Variants in CDK2 observed in about 807,000 individuals in gnomAD.
The protein encoded by CDK2 is cyclin dependent kinase 2, also known as cyclin-dependent kinase 2.
In CDK2, 8 loss-of-function variants were observed where a neutral mutation model predicts 35.0. That is an observed-to-expected ratio of 0.23 (90% CI 0.13 to 0.41). The LOEUF is 0.41. Ranked by LOEUF, CDK2 falls within the 10% of genes least tolerant of loss-of-function variation. CDK2 has a pLI of 1.00. For synonymous variants in CDK2, 134 were observed against 137.7 expected (o/e 0.97, Z 0.19); for missense variants, 201 against 367.1 (o/e 0.55, Z 3.70).
At chr12:55,967,454 C>G (rs1049559864) in intron 1 of CDK2, 29 of 417,932 alleles carry the variant, frequency 6.9e-5, no homozygotes, top group Middle Eastern at 6.4e-4. Context: ...ATGTGGGAAC[C>G]GGCGAGAATC....
intron 3 of CDK2, chr12:55,968,426 C>T (rs1031273346): frequency 3.4e-5 from 17 of 498,976 alleles, no homozygotes; most frequent in Non-Finnish European, 5.7e-5. Flanking sequence ...CTCAGATAAA[C>T]GGGATTTGAG....
chr12:55,969,045 C>G, intron 4 of CDK2, 97 bp downstream of exon 4: 1 of 925,682 alleles, frequency 1.1e-6, no homozygotes, highest in Non-Finnish European at 1.6e-6. Flanking sequence ...CAGTTTCTTA[C>G]TAGGTAGAAA....
At chr12:55,970,981 A>T in intron 5 of CDK2, 63 bp from the exon 6 acceptor site, 1 of 1,423,160 alleles carries the variant, frequency 7.0e-7, no homozygotes, top group Non-Finnish European at 9.9e-7. Flanking sequence ...ACTCCTTTGT[A>T]TAGAGGAGAG....
intron 5 of CDK2, among the ~76,000 whole-genome samples, chr12:55,970,367 C>G (rs1316284816): frequency 6.7e-6 from 1 of 150,242 alleles, no homozygotes; most frequent in African/African-American, 2.4e-5. Flanking sequence ...ACTGAAGGAT[C>G]CTTGAAGCCT....
intron 3 of CDK2, 122 bp from the exon 4 acceptor site, chr12:55,968,656 C>A: frequency 2.7e-6 from 2 of 727,518 alleles, no homozygotes; most frequent in Non-Finnish European, 2.2e-6. Flanking sequence ...GGAGAAATAG[C>A]TTGTAAATAT....
chr12:55,967,592 T>TC (rs1283722893), intron 1 of CDK2: 1 of 510,190 alleles, frequency 2.0e-6, no homozygotes. Flanking sequence ...CTGCATTTTT[T>TC]CCCCTCCATT....
chr12:55,970,288 C>CAAAAA lies in CDK2; in HGVS notation c.589-731_589-727dup, dbSNP rs60371110. Among the ~76,000 whole-genome samples, 11 of 21,874 alleles carry CAAAAA rather than the reference C, an allele frequency of 5.0e-4. 1 individual carries two copies. Among genetic ancestry groups the CAAAAA allele is most frequent in the Non-Finnish European group, 1.0e-3 (7 of 6,784 alleles). 14.4% of individuals were successfully genotyped at this position (21,874 alleles called of 152,430 possible). A position where few individuals can be genotyped will look rare whatever the true frequency, so the allele number is the denominator to read the frequency against. ...TGGGCGACAGAATGAGATTCCATCT[C>CAAAAA]AAAAAAAAAAAAAAAAAAAAAAAAA... On this transcript the variant is annotated intron_variant, in intron 5 of 6. Coordinates refer to ENST00000266970, the MANE Select transcript of CDK2 (RefSeq NM_001798.5).
chr12:55,969,146 G>C (rs1359361942), intron 4 of CDK2, among the ~76,000 whole-genome samples, 198 bp downstream of exon 4: 2 of 152,116 alleles, frequency 1.3e-5, no homozygotes, highest in East Asian at 3.8e-4. Flanking sequence ...CCAATACTTT[G>C]GGAGGCTGAG....
At chr12:55,968,355 A>C (rs1244767837) in intron 3 of CDK2, 186 bp downstream of exon 3, 2 of 619,456 alleles carry the variant, frequency 3.2e-6, no homozygotes, top group Non-Finnish European at 5.4e-6. Flanking sequence ...GTTGGACTGA[A>C]CAATCAAAGT....
At chr12:55,968,214 G>C (rs1158755616) in intron 3 of CDK2, 45 bp downstream of exon 3, 2 of 1,606,762 alleles carry the variant, frequency 1.2e-6, no homozygotes, top group African/African-American at 2.7e-5. Flanking sequence ...ATGTCTTGGG[G>C]GACTGGTGGC....
At chr12:55,968,530 T>C (rs892158231) in intron 3 of CDK2, among the ~76,000 whole-genome samples, 2 of 152,156 alleles carry the variant, frequency 1.3e-5, no homozygotes, top group African/African-American at 4.8e-5. Context: ...GATTCTTCAC[T>C]CCCAGAGCTA....
At position 55,972,167 on chromosome 12, in the gene CDK2, A is replaced by G. The variant is rs1047411647; in HGVS notation, c.*542A>G. 8.5e-5 allele frequency: 13 copies of G among 152,512 alleles called. No homozygotes were observed. The highest frequency in any genetic ancestry group is 3.1e-4 in the African/African-American group (13 of 41,440). The allele number at this position is 152,512 out of a possible 1,614,324, so 9.4% of individuals were successfully genotyped here. The stretch of plus-strand genomic sequence containing the variant: ...CCTAGTTAGTGTTTTGCCTCACCTA[A>G]TAGGCTGGGAGACTGAAGACTCAGC... On this transcript the variant is annotated 3_prime_UTR_variant, in exon 7 of 7. Coordinates refer to ENST00000266970, the MANE Select transcript of CDK2 (RefSeq NM_001798.5).
intron 5 of CDK2, chr12:55,970,531 C>A: frequency 3.0e-6 from 2 of 672,806 alleles, no homozygotes; most frequent in Non-Finnish European, 5.4e-6. Context: ...GTGCATTTAT[C>A]CCCCCAGTGC....
chr12:55,969,829 C>A, intron 5 of CDK2: 1 of 319,432 alleles, frequency 3.1e-6, no homozygotes, highest in Non-Finnish European at 5.7e-6. Flanking sequence ...AGCATTTCTG[C>A]AGCTGTTTTA....
intron 5 of CDK2, 76 bp downstream of exon 5, chr12:55,969,652 T>A: frequency 1.3e-6 from 1 of 795,114 alleles, no homozygotes; most frequent in Non-Finnish European, 2.1e-6. Flanking sequence ...AACTGCTTCT[T>A]GGCCCAGACC....
intron 1 of CDK2, 90 bp downstream of exon 1, chr12:55,967,214 C>T: frequency 1.1e-6 from 1 of 916,888 alleles, no homozygotes; most frequent in Non-Finnish European, 1.7e-6. Context: ...GTCCAGGGAC[C>T]GGAAGAGAGC....
At chr12:55,967,351 A>G (rs1269138476) in intron 1 of CDK2, 4 of 542,110 alleles carry the variant, frequency 7.4e-6, no homozygotes, top group African/African-American at 5.7e-5. Context: ...TCCCAAACTG[A>G]GCCGGATCGT....
intron 4 of CDK2, among the ~76,000 whole-genome samples, 180 bp downstream of exon 4, chr12:55,969,128 C>A (rs935036304): frequency 6.6e-6 from 1 of 152,150 alleles, no homozygotes; most frequent in Non-Finnish European, 1.5e-5. Flanking sequence ...GGGCCCACAC[C>A]TGTAATACCA....
Position 55,966,906 on chromosome 12 carries a change from G to GC in CDK2, c.-100dup, listed in dbSNP as rs1201089415. 9.9e-7 allele frequency: 1 copy of GC among 1,014,834 alleles called. No individual in the cohort carries two copies. Among genetic ancestry groups the GC allele is most frequent in the Non-Finnish European group, 1.5e-6 (1 of 674,272 alleles). 62.9% of individuals were successfully genotyped at this position (1,014,834 alleles called of 1,614,324 possible). On this transcript the variant is annotated 5_prime_UTR_variant, in exon 1 of 7. Transcript: ENST00000266970. ...TCCCGACCCGGGGCCACGGTACTGG[G>GC]CCCTGTTTCCCCCTCCTCGGCCCCC...
Sources: gnomAD v4.1 joint callset for allele counts (sites outside exome capture counted in the v4.1 genomes callset) on GRCh38, gnomAD v4.1.1 for gene constraint, MANE v1.5 for transcripts, NCBI Gene and HGNC (gene_info 2026-07-23, HGNC 2026-07-21) for gene names.